Variants in CLIC2 observed in about 807,000 individuals in gnomAD.
The protein encoded by CLIC2 is chloride intracellular channel protein 2.
In CLIC2, 9 loss-of-function variants were observed where a neutral mutation model predicts 14.8. The ratio of observed to expected loss-of-function variants is 0.61; its 90% CI spans 0.37 to 1.06. CLIC2 has a LOEUF of 1.06. CLIC2 is among the 50% of genes least tolerant of loss of function. The pLI is 0.01. For missense variants in CLIC2, 148 were observed against 181.4 expected, an observed-to-expected ratio of 0.82 and a Z score of 1.06; for synonymous variants, 61 against 66.3, an observed-to-expected ratio of 0.92 and a Z score of 0.39.
chrX:155,294,322 G>C (rs1215715286), intron 3 of CLIC2, among the ~76,000 whole-genome samples: 1 of 110,794 alleles, frequency 9.0e-6, no homozygotes, highest in Non-Finnish European at 1.9e-5. Flanking sequence ...GGTCAATAAA[G>C]AATTTAAGAA....
rs372673719 is a variant in CLIC2, at chrX:155,296,034, A to G, written c.293+2751T>C. Among the ~76,000 whole-genome samples, 27 of 112,123 alleles carry G rather than the reference A, an allele frequency of 2.4e-4. No homozygotes were observed. In the South Asian group the frequency reaches 8.7e-3, roughly 36 times the overall value. ...AAAAGAATACTAAAATTCACATGTA[A>G]CCAAAAAAGATTCCATATAGCCAAA... On this transcript the variant is annotated intron_variant, in intron 3 of 5. Transcript: ENST00000369449.
At chrX:155,289,110 C>T (rs1357502072) in intron 3 of CLIC2, among the ~76,000 whole-genome samples, 1 of 108,857 alleles carries the variant, frequency 9.2e-6, no homozygotes, top group African/African-American at 3.4e-5. Context: ...TGCGATTGCT[C>T]TCCAGCCTGG....
chrX:155,304,870 G>A (rs1602947747), intron 1 of CLIC2, among the ~76,000 whole-genome samples: 1 of 94,402 alleles, frequency 1.1e-5, no homozygotes. Context: ...CTGCTGGGGG[G>A]TGCCTCCCAG....
intron 1 of CLIC2, among the ~76,000 whole-genome samples, chrX:155,332,888 G>A (rs956761738): frequency 8.9e-5 from 10 of 112,337 alleles, no homozygotes; most frequent in Non-Finnish European, 1.7e-4. Context: ...GAACACTTTA[G>A]TTACCCAGTG....
At chrX:155,296,659 AT>A (rs2074993275) in intron 3 of CLIC2, among the ~76,000 whole-genome samples, 1 of 111,682 alleles carries the variant, frequency 9.0e-6, no homozygotes, top group Admixed American at 9.5e-5. Context: ...AATAAAAAAA[AT>A]CTCATAAAAT....
At chrX:155,282,834 C>T (rs1312877152) in intron 3 of CLIC2, among the ~76,000 whole-genome samples, 1 of 111,492 alleles carries the variant, frequency 9.0e-6, no homozygotes, top group African/African-American at 3.3e-5. Flanking sequence ...TGGGTCTGTC[C>T]CAGTGCCACG....
rs183482340 is a variant in CLIC2 at position 155,331,888 on chromosome X, C to A, written c.57+2483G>T. On this transcript the variant is annotated intron_variant, in intron 1 of 5. Coordinates refer to ENST00000369449, the MANE Select transcript of CLIC2 (RefSeq NM_001289.6). ...GGTCTGAACACTCAGAGTAGAGTAT[C>A]ATCTCTTCCTTCTTTCCCCCACACA... Among the ~76,000 whole-genome samples the A allele has an allele frequency of 5.9e-3, 655 of 111,128 alleles. 3 individuals are homozygous for A. Among genetic ancestry groups the A allele is most frequent in the African/African-American group, 0.02 (605 of 30,677 alleles).
Position 155,293,336 on chromosome X carries a change from G to T in CLIC2, c.293+5449C>A, listed in dbSNP as rs968080460. The stretch of plus-strand genomic sequence containing the variant: ...ATTCCAAATGCTATATGTGGAATTT[G>T]TCTGAAGGGTAAGGAGTCCAACAAG... On this transcript the variant is annotated intron_variant, in intron 3 of 5. Coordinates refer to ENST00000369449, the MANE Select transcript of CLIC2 (RefSeq NM_001289.6). 4 of 1,126,232 alleles carry T rather than the reference G, an allele frequency of 3.6e-6. No individual in the cohort carries two copies. In the African/African-American group the frequency reaches 5.4e-5, roughly 15 times the overall value. The allele number at this position is 1,126,232 out of a possible 1,213,427, so 92.8% of individuals were successfully genotyped here. A position where few individuals can be genotyped will look rare whatever the true frequency, so the allele number is the denominator to read the frequency against.
At chrX:155,309,404 A>G (rs2075066419) in intron 1 of CLIC2, among the ~76,000 whole-genome samples, 2 of 112,464 alleles carry the variant, frequency 1.8e-5, no homozygotes, top group South Asian at 3.6e-4. Context: ...CTACAAGGCC[A>G]GTATTACCAT....
intron 1 of CLIC2, among the ~76,000 whole-genome samples, chrX:155,313,933 G>C (rs1258986641): frequency 1.8e-5 from 2 of 111,357 alleles, no homozygotes; most frequent in Non-Finnish European, 3.8e-5. Context: ...TACTTCCTTG[G>C]TGATCTGTAT....
At chrX:155,281,545 A>G (rs2074919437) in intron 3 of CLIC2, among the ~76,000 whole-genome samples, 1 of 110,987 alleles carries the variant, frequency 9.0e-6, no homozygotes, top group African/African-American at 3.3e-5. Flanking sequence ...AGAAATGGTC[A>G]GGTCAAAAAC....
intron 1 of CLIC2, among the ~76,000 whole-genome samples, chrX:155,308,095 G>C (rs2075061896): frequency 9.1e-6 from 1 of 109,898 alleles, no homozygotes; most frequent in South Asian, 3.9e-4. Flanking sequence ...ACCAATCCTG[G>C]AGCAACAGAG....
chrX:155,306,591 G>A (rs1286355939), intron 1 of CLIC2, among the ~76,000 whole-genome samples: 4 of 111,569 alleles, frequency 3.6e-5, no homozygotes, highest in Non-Finnish European at 7.5e-5. Flanking sequence ...TAAGAAAAGA[G>A]GTTTAATTGG....
At chrX:155,325,320 G>A (rs1394083888) in intron 1 of CLIC2, among the ~76,000 whole-genome samples, 2 of 111,427 alleles carry the variant, frequency 1.8e-5, no homozygotes, top group Admixed American at 1.9e-4. Flanking sequence ...TATGTTTACT[G>A]CAGCACTATT....
intron 1 of CLIC2, among the ~76,000 whole-genome samples, chrX:155,302,430 C>T (rs2124182676): frequency 9.1e-6 from 1 of 109,952 alleles, no homozygotes; most frequent in East Asian, 2.9e-4. Flanking sequence ...GTGATATCCC[C>T]TTTATCATTT....
intron 2 of CLIC2, 38 bp from the exon 3 acceptor site, chrX:155,298,948 A>C (rs909553748): frequency 2.5e-6 from 3 of 1,191,111 alleles, no homozygotes; most frequent in Non-Finnish European, 3.4e-6. Flanking sequence ...AGGTCTCTAG[A>C]TAAAGTACAC....
At chrX:155,320,886 A>G (rs2075111940) in intron 1 of CLIC2, among the ~76,000 whole-genome samples, 1 of 112,113 alleles carries the variant, frequency 8.9e-6, no homozygotes, top group African/African-American at 3.2e-5. Flanking sequence ...AATGGAGCAG[A>G]AAAACACAGC....
chrX:155,298,785 C>T lies in CLIC2; in HGVS notation c.293G>A (p.Arg98Lys), dbSNP rs782688201. The change falls in exon 3 of 6, where the codon AGG becomes AAG. Residue 98 changes from arginine (R) to lysine (K), a missense_variant and splice_region_variant. Transcript: ENST00000369449. ...EFLEQTLAPP[R>K]YPHLSPKYKE... The stretch of plus-strand genomic sequence containing the variant: ...AAATAGTATCTTGTAAATGCTGTAC[C>T]TTGGAGGAGCCAGGGTTTGTTCTAA... 1 of 1,210,063 alleles carries T rather than the reference C, an allele frequency of 8.3e-7. No individual in the cohort carries two copies. Among genetic ancestry groups the T allele is most frequent in the African/African-American group, 1.7e-5 (1 of 57,603 alleles).
At chrX:155,299,287 T>C (rs2075006182) in intron 1 of CLIC2, 142 bp from the exon 2 acceptor site, 3 of 473,531 alleles carry the variant, frequency 6.3e-6, no homozygotes, top group Admixed American at 3.0e-5. Context: ...GACAGAGAGA[T>C]ATAGGGAAGC....
Sources: gnomAD v4.1 joint callset for allele counts (sites outside exome capture counted in the v4.1 genomes callset) on GRCh38, gnomAD v4.1.1 for gene constraint, MANE v1.5 for transcripts, NCBI Gene and HGNC (gene_info 2026-07-23, HGNC 2026-07-21) for gene names.